Variants in PCDH11X observed in about 807,000 individuals in gnomAD.
PCDH11X encodes protocadherin-11 X-linked.
Under a neutral mutation model 53.3 loss-of-function variants are expected in PCDH11X, and 18 were observed. That is an observed-to-expected ratio of 0.34 (90% CI 0.23 to 0.50). The LOEUF (loss-of-function observed/expected upper bound fraction) is 0.50. Ranked by LOEUF, PCDH11X falls within the 20% of genes least tolerant of loss-of-function variation. The pLI, the probability that PCDH11X is intolerant of heterozygous loss-of-function variation, is 0.98. For missense variants in PCDH11X, 570 were observed against 1,032.4 expected (o/e 0.55, Z 6.14); for synonymous variants, 279 against 393.3 (o/e 0.71, Z 3.44).
At chrX:91,971,872 T>C (rs1349048161) in intron 6 of PCDH11X, among the ~76,000 whole-genome samples, 5 of 111,609 alleles carry the variant, frequency 4.5e-5, no homozygotes, top group African/African-American at 1.6e-4. Flanking sequence ...TAAGACATAC[T>C]TTAGAAATAA....
At chrX:92,059,088 A>G (rs1479399661) in intron 6 of PCDH11X, among the ~76,000 whole-genome samples, 2 of 106,578 alleles carry the variant, frequency 1.9e-5, no homozygotes, top group African/African-American at 6.8e-5. Context: ...AAAGTTATTA[A>G]AATCCTGATT....
At chrX:91,876,481 A>T (rs779614569) in intron 5 of PCDH11X, among the ~76,000 whole-genome samples, 1 of 111,465 alleles carries the variant, frequency 9.0e-6, no homozygotes, top group South Asian at 3.7e-4. Flanking sequence ...TACAATCTGA[A>T]GCCTCCTGTC....
chrX:92,282,432 G>C (rs1014266938), intron 8 of PCDH11X, among the ~76,000 whole-genome samples: 6 of 111,252 alleles, frequency 5.4e-5, no homozygotes, highest in African/African-American at 1.6e-4. Flanking sequence ...AATATATTTT[G>C]CAGGACTGAA....
intron 6 of PCDH11X, among the ~76,000 whole-genome samples, chrX:91,894,975 C>T (rs1236784245): frequency 9.0e-6 from 1 of 110,574 alleles, no homozygotes; most frequent in Non-Finnish European, 1.9e-5. Context: ...CCCTTTGTGA[C>T]CCTATGTTCA....
chrX:92,012,125 T>C (rs750572149), intron 6 of PCDH11X, among the ~76,000 whole-genome samples: 2 of 110,464 alleles, frequency 1.8e-5, no homozygotes, highest in African/African-American at 6.6e-5. Context: ...CACAACTTGA[T>C]TCTTCAGGTT....
At chrX:92,178,769 T>C in intron 6 of PCDH11X, among the ~76,000 whole-genome samples, 1 of 111,994 alleles carries the variant, frequency 8.9e-6, no homozygotes. Context: ...TAATTTAAAT[T>C]ATGCATTTTA....
At chrX:92,024,726 A>C (rs886897440) in intron 6 of PCDH11X, among the ~76,000 whole-genome samples, 1 of 108,181 alleles carries the variant, frequency 9.2e-6, no homozygotes, top group Non-Finnish European at 1.9e-5. Context: ...AGCAAAAAAA[A>C]AAAAAAAAAA....
At chrX:91,907,061 A>ACT (rs35794859) in intron 6 of PCDH11X, among the ~76,000 whole-genome samples, 50,425 of 108,487 alleles carry the variant, frequency 0.46, 8,739 homozygotes, top group East Asian at 0.66. Flanking sequence ...ATTTTAGGTA[A>ACT]CTGCCAACTT....
chrX:92,602,467 C>T (rs769198731), intron 10 of PCDH11X, among the ~76,000 whole-genome samples: 41 of 112,202 alleles, frequency 3.7e-4, no homozygotes, highest in African/African-American at 1.2e-3. Context: ...TTGTATCAGA[C>T]TGCTGAGCAA....
At chrX:92,087,116 C>T (rs2759942) in intron 6 of PCDH11X, among the ~76,000 whole-genome samples, 3 of 109,514 alleles carry the variant, frequency 2.7e-5, no homozygotes, top group East Asian at 2.9e-4. Context: ...TTTTTTGAGA[C>T]GGAGTTTCCC....
At chrX:91,934,657 A>G (rs1175656610) in intron 6 of PCDH11X, among the ~76,000 whole-genome samples, 1 of 102,995 alleles carries the variant, frequency 9.7e-6, no homozygotes, top group Non-Finnish European at 2.0e-5. Flanking sequence ...AAGTCAATAT[A>G]TGATTTTAAA....
At chrX:92,369,972 T>G (rs1344854673) in intron 8 of PCDH11X, among the ~76,000 whole-genome samples, 1 of 107,079 alleles carries the variant, frequency 9.3e-6, no homozygotes, top group Non-Finnish European at 1.9e-5. Flanking sequence ...CTGTTTCTAG[T>G]TCTTGAAGGT....
At chrX:92,103,789 G>T (rs183194702) in intron 6 of PCDH11X, among the ~76,000 whole-genome samples, 1,469 of 112,150 alleles carry the variant, frequency 0.013, 19 homozygotes, top group African/African-American at 0.044. Context: ...TGTGGCTGGG[G>T]TTTGTCTCAC....
At chrX:92,498,916 T>C (rs1161124194) in intron 10 of PCDH11X, among the ~76,000 whole-genome samples, 9 of 89,331 alleles carry the variant, frequency 1.0e-4, no homozygotes, top group Non-Finnish European at 1.1e-4. Flanking sequence ...TATAATATTA[T>C]AATATTATAA....
chrX:91,889,300 G>A (rs1462588374), intron 6 of PCDH11X, among the ~76,000 whole-genome samples: 2 of 111,622 alleles, frequency 1.8e-5, no homozygotes, highest in African/African-American at 6.5e-5. Context: ...ATGATACTCA[G>A]ATTAAATAAT....
At chrX:92,144,024 A>G (rs769670234) in intron 6 of PCDH11X, among the ~76,000 whole-genome samples, 1 of 111,639 alleles carries the variant, frequency 9.0e-6, no homozygotes, top group South Asian at 3.8e-4. Context: ...TGGATTTCGG[A>G]TTTGCATGGG....
intron 9 of PCDH11X, among the ~76,000 whole-genome samples, chrX:92,399,752 T>G (rs2071340434): frequency 9.2e-6 from 1 of 108,892 alleles, no homozygotes; most frequent in Non-Finnish European, 1.9e-5. Context: ...TATTTATTTA[T>G]TTATTTTGAA....
At chrX:92,164,020 A>ATT (rs1342144887) in intron 6 of PCDH11X, among the ~76,000 whole-genome samples, 1 of 112,011 alleles carries the variant, frequency 8.9e-6, no homozygotes, top group Non-Finnish European at 1.9e-5. Flanking sequence ...TTAAATTTTA[A>ATT]TTACTGTATT....
intron 8 of PCDH11X, among the ~76,000 whole-genome samples, chrX:92,277,907 C>G (rs192421476): frequency 4.5e-5 from 5 of 111,374 alleles, no homozygotes; most frequent in Non-Finnish European, 9.4e-5. Context: ...AAAAGCGGGA[C>G]TTGCCGCTAA....
Sources: gnomAD v4.1 joint callset for allele counts (sites outside exome capture counted in the v4.1 genomes callset) on GRCh38, gnomAD v4.1.1 for gene constraint, MANE v1.5 for transcripts, NCBI Gene and HGNC (gene_info 2026-07-23, HGNC 2026-07-21) for gene names.